Variants in PLEKHA3 observed in about 807,000 individuals in gnomAD.
PLEKHA3 encodes pleckstrin homology domain containing A3, also known as pleckstrin homology domain-containing family A member 3.
In PLEKHA3, 19 loss-of-function variants were observed where a neutral mutation model predicts 39.2. The ratio of observed to expected loss-of-function variants is 0.48; its 90% CI spans 0.34 to 0.71. The LOEUF is 0.71. PLEKHA3 is among the 30% of genes least tolerant of loss of function. PLEKHA3 has a pLI of 0.01. For synonymous variants in PLEKHA3, 97 were observed against 118.6 expected, an observed-to-expected ratio of 0.82 and a Z score of 1.18; for missense variants, 253 against 359.5, an observed-to-expected ratio of 0.70 and a Z score of 2.40.
chr2:178,499,291 A>C (rs1685494297), intron 6 of PLEKHA3, 37 bp downstream of exon 6: 1 of 1,601,966 alleles, frequency 6.2e-7, no homozygotes, highest in Admixed American at 1.7e-5. Flanking sequence ...GTTCTCTCAA[A>C]TTATATCCAT....
intron 6 of PLEKHA3, among the ~76,000 whole-genome samples, chr2:178,499,833 A>G (rs1224891618): frequency 2.6e-5 from 4 of 152,134 alleles, no homozygotes; most frequent in African/African-American, 7.2e-5. Context: ...ATTTCTCAGA[A>G]TGCATCCTTG....
chr2:178,491,105 G>T (rs1235395338), intron 3 of PLEKHA3, among the ~76,000 whole-genome samples: 1 of 151,088 alleles, frequency 6.6e-6, no homozygotes, highest in African/African-American at 2.4e-5. Flanking sequence ...CTGCCTCCTG[G>T]GTTCAAGCGA....
Position 178,515,701 on chromosome 2 carries a change from A to T in PLEKHA3, c.*11814A>T, listed in dbSNP as rs1358628678. The T allele has an allele frequency of 3.3e-5, 5 of 151,918 alleles. No homozygotes were observed. Among genetic ancestry groups the T allele is most frequent in the Non-Finnish European group, 5.9e-5 (4 of 67,926 alleles). The allele number at this position is 151,918 out of a possible 1,614,324, so 9.4% of individuals were successfully genotyped here. ...TAGTATTTATCTTTGCTTTCTAATT[A>T]TTTTTTTGTAATTTTTTTGCTTTCT... On this transcript the variant is annotated 3_prime_UTR_variant, in exon 8 of 8. Coordinates refer to ENST00000234453, the MANE Select transcript of PLEKHA3 (RefSeq NM_019091.4).
intron 7 of PLEKHA3, among the ~76,000 whole-genome samples, chr2:178,502,714 C>T (rs771483580): frequency 2.6e-5 from 4 of 151,242 alleles, no homozygotes; most frequent in Non-Finnish European, 5.9e-5. Flanking sequence ...AAACAATTTT[C>T]AAAAGATCTA....
chr2:178,503,338 T>G (rs1685558627), intron 7 of PLEKHA3, among the ~76,000 whole-genome samples: 1 of 151,974 alleles, frequency 6.6e-6, no homozygotes, highest in Non-Finnish European at 1.5e-5. Context: ...TGTGTGATCT[T>G]GGGTAAGGCA....
intron 1 of PLEKHA3, among the ~76,000 whole-genome samples, chr2:178,482,412 A>C (rs1347450249): frequency 6.6e-6 from 1 of 151,946 alleles, no homozygotes; most frequent in Admixed American, 6.6e-5. Context: ...GGTAGTGCAC[A>C]CCTGTAGTCC....
intron 2 of PLEKHA3, among the ~76,000 whole-genome samples, chr2:178,487,638 C>T (rs947132651): frequency 2.0e-5 from 3 of 151,988 alleles, no homozygotes; most frequent in Non-Finnish European, 4.4e-5. Flanking sequence ...GGGATTTCAC[C>T]GTGTTGCAAA....
At position 178,493,845 on chromosome 2, in the gene PLEKHA3, C is replaced by G; in HGVS notation, c.314-8C>G. ...ATCTAACTGTATATTTATGTATATTCTTTTCAGAAATAAGTGAAACCAGTG... is the reference window on the plus strand; with the variant it reads ...ATCTAACTGTATATTTATGTATATTGTTTTCAGAAATAAGTGAAACCAGTG... On this transcript the variant is annotated splice_region_variant and splice_polypyrimidine_tract_variant and intron_variant, in intron 3 of 7. Coordinates refer to ENST00000234453, the MANE Select transcript of PLEKHA3 (RefSeq NM_019091.4). 1.2e-6 allele frequency: 2 copies of G among 1,609,538 alleles called. No individual in the cohort carries two copies. Among genetic ancestry groups the G allele is most frequent in the East Asian group, 4.5e-5 (2 of 44,810 alleles).
chr2:178,485,404 G>C (rs376216851), intron 1 of PLEKHA3, among the ~76,000 whole-genome samples: 1 of 152,222 alleles, frequency 6.6e-6, no homozygotes, highest in African/African-American at 2.4e-5. Flanking sequence ...GCTAGAATTA[G>C]AAGTATTACT....
chr2:178,494,575 C>T (rs1685409173), intron 4 of PLEKHA3, among the ~76,000 whole-genome samples: 1 of 152,134 alleles, frequency 6.6e-6, no homozygotes, highest in African/African-American at 2.4e-5. Context: ...CTTCCTATTT[C>T]TTCTGTGGCC....
At chr2:178,500,235 A>G (rs930547086) in intron 6 of PLEKHA3, among the ~76,000 whole-genome samples, 3 of 152,012 alleles carry the variant, frequency 2.0e-5, no homozygotes, top group Non-Finnish European at 4.4e-5. Flanking sequence ...CTGTTTTGTC[A>G]TGTTTTAATT....
intron 3 of PLEKHA3, among the ~76,000 whole-genome samples, chr2:178,492,767 T>TTAG (rs1685372731): frequency 1.3e-5 from 2 of 151,398 alleles, no homozygotes; most frequent in Non-Finnish European, 2.9e-5. Flanking sequence ...GGAAACAGGG[T>TTAG]TAGTGTTTAG....
rs759824161 is a variant in PLEKHA3 at position 178,485,703 on chromosome 2, G to A, written c.103G>A (p.Asp35Asn). The A allele has an allele frequency of 6.8e-6, 11 of 1,613,796 alleles. No individual in the cohort carries two copies. Among genetic ancestry groups the A allele is most frequent in the South Asian group, 1.1e-5 (1 of 91,066 alleles). The stretch of plus-strand genomic sequence containing the variant: ...CTTATCCTACTATGATTCACAAGAT[G>A]ATGTTTGCAAAGGGAGCAAAGGAAG... The part of the protein sequence containing the change: ...GILSYYDSQD[D>N]VCKGSKGSIK... Residue 35 changes from aspartate (D) to asparagine (N), a missense_variant, in exon 2 of 8, where the codon GAT becomes AAT. Physicochemically the swap from Asp to Asn is conservative, Grantham distance 23. Around this residue, in one of 2 missense-constraint regions of PLEKHA3, gnomAD observed 126 missense variants for 222.7 expected, o/e 0.57. Coordinates refer to ENST00000234453, the MANE Select transcript of PLEKHA3 (RefSeq NM_019091.4).
At position 178,505,228 on chromosome 2, in the gene PLEKHA3, A is replaced by G. The variant is rs966953923; in HGVS notation, c.*1341A>G. The G allele has an allele frequency of 6.6e-6, 1 of 152,058 alleles. No homozygotes were observed. The highest frequency in any genetic ancestry group is 1.9e-4 in the East Asian group (1 of 5,204). 9.4% of individuals were successfully genotyped at this position (152,058 alleles called of 1,614,324 possible). ...CTGTGAGCTTAGAATGGTGTGACCT[A>G]TTTCATTTTATTTCAATTTATCTTG... On this transcript the variant is annotated 3_prime_UTR_variant, in exon 8 of 8. Transcript: ENST00000234453.
At chr2:178,490,536 A>T in intron 2 of PLEKHA3, 123 bp from the exon 3 acceptor site, 2 of 1,024,624 alleles carry the variant, frequency 2.0e-6, no homozygotes, top group Middle Eastern at 2.5e-4. Context: ...TGCCTGCATC[A>T]TGAATGATAG....
intron 2 of PLEKHA3, among the ~76,000 whole-genome samples, chr2:178,489,507 G>T (rs1361887795): frequency 5.2e-5 from 7 of 133,828 alleles, no homozygotes; most frequent in African/African-American, 1.5e-4. Context: ...GCCCAGTCTG[G>T]AGTGCAGTGG....
chr2:178,491,661 A>G (rs1018568165), intron 3 of PLEKHA3, among the ~76,000 whole-genome samples: 4 of 152,252 alleles, frequency 2.6e-5, no homozygotes, highest in Non-Finnish European at 5.9e-5. Flanking sequence ...TAATGTGAAA[A>G]TGACAATTTC....
rs3731754 is a variant in PLEKHA3 at position 178,504,189 on chromosome 2, C to G, written c.*302C>G. 59,233 of 213,824 alleles carry G rather than the reference C, an allele frequency of 0.28. 10,850 individuals are homozygous for G. Among genetic ancestry groups the G allele is most frequent in the East Asian group, 0.65 (6,538 of 9,998 alleles). The allele number at this position is 213,824 out of a possible 1,614,324, so 13.2% of individuals were successfully genotyped here. On this transcript the variant is annotated 3_prime_UTR_variant, in exon 8 of 8. Transcript: ENST00000234453. The stretch of plus-strand genomic sequence containing the variant: ...AATGTAGATATTTTTCTTAAAAACT[C>G]TGAGGGGACTGACAGCATGGTCAGG...
chr2:178,498,688 T>A (rs1007860164), intron 5 of PLEKHA3, among the ~76,000 whole-genome samples: 1 of 152,190 alleles, frequency 6.6e-6, no homozygotes, highest in Admixed American at 6.5e-5. Context: ...TTCTGAGTTC[T>A]TTAAAGTCTT....
Sources: allele counts gnomAD v4.1 joint callset (sites outside exome capture counted in the v4.1 genomes callset), GRCh38; gene constraint gnomAD v4.1.1; regional missense constraint gnomAD v4.1.1; transcripts MANE v1.5; gene names NCBI Gene and HGNC (gene_info 2026-07-23, HGNC 2026-07-21).